C12orf42: variants seen among roughly 807,000 people sequenced by gnomAD.
C12orf42 encodes the protein chromosome 12 open reading frame 42, also known as uncharacterized protein C12orf42.
Under a neutral mutation model 21.6 loss-of-function variants are expected in C12orf42, and 25 were observed. The ratio of observed to expected loss-of-function variants is 1.16; its 90% CI spans 0.84 to 1.62. C12orf42 has a LOEUF of 1.62. Among genes scored for constraint, C12orf42 ranks in the 40% most tolerant of loss-of-function variants. The pLI, the probability that C12orf42 is intolerant of heterozygous loss-of-function variation, is 0.00. For synonymous variants in C12orf42, 174 were observed against 175.0 expected, an observed-to-expected ratio of 0.99 and a Z score of 0.05; for missense variants, 483 against 459.3, an observed-to-expected ratio of 1.05 and a Z score of -0.47.
At chr12:103,255,170 A>C (rs993323167) in intron 10 of C12orf42, among the ~76,000 whole-genome samples, 2 of 152,136 alleles carry the variant, frequency 1.3e-5, no homozygotes, top group African/African-American at 2.4e-5. Context: ...CAAGAGATTG[A>C]GACCATCCTG....
chr12:103,263,175 T>C (rs948504914), intron 10 of C12orf42: 2 of 151,750 alleles, frequency 1.3e-5, no homozygotes, highest in African/African-American at 4.9e-5. Context: ...GGGGGAGGGA[T>C]AGCATTAGGA....
the C12orf42 span, chr12:103,504,161 GC>G: frequency 3.5e-4 from 54 of 152,832 alleles, no homozygotes; most frequent in African/African-American, 1.3e-3. Context: ...GACCCCGGCA[GC>G]ATGGAGATCA....
the C12orf42 span, among the ~76,000 whole-genome samples, chr12:103,152,387 T>C: frequency 6.6e-6 from 1 of 152,260 alleles, no homozygotes; most frequent in East Asian, 1.9e-4. Flanking sequence ...ATAGAGAACA[T>C]CATACTCAAT....
chr12:103,074,931 T>A, the C12orf42 span, among the ~76,000 whole-genome samples: 2 of 151,584 alleles, frequency 1.3e-5, no homozygotes, highest in African/African-American at 4.8e-5. Flanking sequence ...ACAAAAATAA[T>A]AAAAAAAATT....
chr12:103,540,415 T>C, the C12orf42 span, among the ~76,000 whole-genome samples: 2 of 152,104 alleles, frequency 1.3e-5, no homozygotes, highest in South Asian at 4.1e-4. Context: ...ATCCCTAGTA[T>C]GATTGTAGAT....
chr12:103,498,918 A>G (rs1418382271), upstream of C12orf42, among the ~76,000 whole-genome samples: 1 of 152,104 alleles, frequency 6.6e-6, no homozygotes, highest in Non-Finnish European at 1.5e-5. Flanking sequence ...TAGCTAATGC[A>G]TGCTCGGCTT....
At chr12:103,086,826 C>T in the C12orf42 span, among the ~76,000 whole-genome samples, 8 of 152,134 alleles carry the variant, frequency 5.3e-5, no homozygotes, top group East Asian at 5.8e-4. Flanking sequence ...CAAGAAATCA[C>T]GTTTTCTTCA....
At chr12:103,456,711 A>C (rs554442587) in intron 2 of C12orf42, among the ~76,000 whole-genome samples, 1 of 152,114 alleles carries the variant, frequency 6.6e-6, no homozygotes, top group African/African-American at 2.4e-5. Context: ...AAAATCAACT[A>C]TTGCTTAAAG....
Position 103,456,551 on chromosome 12 carries a change from T to C in C12orf42, c.78+21798A>G, listed in dbSNP as rs1952307318. 6.6e-5 allele frequency among the ~76,000 whole-genome samples: 10 copies of C among 152,302 alleles called. No individual in the cohort carries two copies. In the South Asian group the frequency reaches 2.1e-3, roughly 32 times the overall value. On this transcript the variant is annotated intron_variant, in intron 2 of 5. Transcript: ENST00000548883. ...ACATTTGCTGCACCAGGAAAAGGAA[T>C]CTTTTAACTCATTGTTTACCATTCT...
At chr12:103,112,836 T>C in the C12orf42 span, among the ~76,000 whole-genome samples, 1 of 152,294 alleles carries the variant, frequency 6.6e-6, no homozygotes, top group Non-Finnish European at 1.5e-5. Flanking sequence ...ATACTTCTCT[T>C]CTATTATCCC....
chr12:103,418,793 T>A (rs1374959823), intron 2 of C12orf42, among the ~76,000 whole-genome samples: 1 of 152,118 alleles, frequency 6.6e-6, no homozygotes, highest in East Asian at 1.9e-4. Context: ...TTTAAAACTA[T>A]TTTAGGAAGC....
downstream of C12orf42, chr12:103,268,509 A>C (rs953043882): frequency 2.0e-5 from 3 of 150,806 alleles, no homozygotes; most frequent in Admixed American, 6.6e-5. Context: ...TAAAAAAAAA[A>C]CCGCCACCAC....
At chr12:103,369,109 ATT>A (rs2044923196) in intron 3 of C12orf42, 111 bp from the exon 4 acceptor site, 3 of 536,422 alleles carry the variant, frequency 5.6e-6, no homozygotes, top group African/African-American at 1.9e-5. Context: ...TTTTAAAAAT[ATT>A]TTTGTTTCTT....
the C12orf42 span, among the ~76,000 whole-genome samples, chr12:103,553,229 C>T: frequency 1.3e-5 from 2 of 152,130 alleles, no homozygotes; most frequent in East Asian, 3.8e-4. Flanking sequence ...TGCCAAATAT[C>T]CCCTGGAGAG....
intron 3 of C12orf42, among the ~76,000 whole-genome samples, chr12:103,385,808 T>C (rs1400554085): frequency 6.6e-6 from 1 of 152,186 alleles, no homozygotes; most frequent in Non-Finnish European, 1.5e-5. Flanking sequence ...AAAGGCTAAA[T>C]TGCCATGGAA....
chr12:103,159,438 G>A, the C12orf42 span: 1 of 152,132 alleles, frequency 6.6e-6, no homozygotes, highest in Non-Finnish European at 1.5e-5. Flanking sequence ...ATGGTAAGTT[G>A]GATATTTCTC....
chr12:103,483,112 C>A (rs1954585749), intron 1 of C12orf42, among the ~76,000 whole-genome samples: 1 of 152,088 alleles, frequency 6.6e-6, no homozygotes, highest in South Asian at 2.1e-4. Flanking sequence ...TACCTCTTTG[C>A]TTGTGGGTAT....
the C12orf42 span, among the ~76,000 whole-genome samples, chr12:103,502,775 G>GGATT: frequency 4.6e-5 from 7 of 152,144 alleles, no homozygotes; most frequent in Non-Finnish European, 1.0e-4. Context: ...CTTTTATTAA[G>GGATT]CTACCTCTGG....
the C12orf42 span, among the ~76,000 whole-genome samples, chr12:103,130,922 AT>A: frequency 6.6e-6 from 1 of 152,234 alleles, no homozygotes; most frequent in Non-Finnish European, 1.5e-5. Flanking sequence ...TGTACCCACA[AT>A]AAAAATCTGG....
Sources: allele counts gnomAD v4.1 joint callset (sites outside exome capture counted in the v4.1 genomes callset), GRCh38; gene constraint gnomAD v4.1.1; transcripts MANE v1.5; gene names NCBI Gene and HGNC (gene_info 2026-07-23, HGNC 2026-07-21).